Variants in UBTD2 observed in about 807,000 individuals in gnomAD.
UBTD2 encodes ubiquitin domain containing 2.
Under a neutral mutation model 19.8 loss-of-function variants are expected in UBTD2, and 9 were observed. The ratio of observed to expected loss-of-function variants is 0.46; its 90% CI spans 0.27 to 0.79. The LOEUF (loss-of-function observed/expected upper bound fraction) is 0.79. Ranked by LOEUF, UBTD2 falls within the 30% of genes least tolerant of loss-of-function variation. UBTD2 has a pLI of 0.14. For synonymous variants in UBTD2, 98 were observed against 103.9 expected, an observed-to-expected ratio of 0.94 and a Z score of 0.35; for missense variants, 250 against 300.4, an observed-to-expected ratio of 0.83 and a Z score of 1.24.
chr5:172,266,086 A>G (rs1428474638), intron 1 of UBTD2, among the ~76,000 whole-genome samples: 2 of 152,054 alleles, frequency 1.3e-5, no homozygotes, highest in African/African-American at 4.8e-5. Context: ...GGTGTGTGCC[A>G]CCACACCCGG....
intron 1 of UBTD2, among the ~76,000 whole-genome samples, chr5:172,272,541 T>C (rs1755513983): frequency 2.0e-5 from 3 of 152,178 alleles, no homozygotes; most frequent in Admixed American, 1.3e-4. Context: ...GTCCGGTTAA[T>C]TTGATTATGT....
chr5:172,217,270 T>C (rs1771561996), intron 2 of UBTD2, among the ~76,000 whole-genome samples: 1 of 147,604 alleles, frequency 6.8e-6, no homozygotes, highest in African/African-American at 2.5e-5. Context: ...AAAAAAAAAA[T>C]TAGCCAGGCA....
At chr5:172,249,000 C>T (rs1754937188) in intron 1 of UBTD2, among the ~76,000 whole-genome samples, 1 of 151,738 alleles carries the variant, frequency 6.6e-6, no homozygotes, top group Non-Finnish European at 1.5e-5. Flanking sequence ...AGAGATTCAA[C>T]AAAATAGAAA....
At position 172,211,808 on chromosome 5, in the gene UBTD2, G is replaced by C; in HGVS notation, c.*22C>G. On this transcript the variant is annotated 3_prime_UTR_variant, in exon 3 of 3. Transcript: ENST00000393792. ...CATAAAAAGGAGCAGAGGGATGTGG[G>C]AGCTGGCCAACAGGGCTCAGTTCAG... The C allele has an allele frequency of 6.4e-7, 1 of 1,567,096 alleles. No individual in the cohort carries two copies. The highest frequency in any genetic ancestry group is 8.7e-7 in the Non-Finnish European group (1 of 1,154,752).
chr5:172,247,360 A>G lies in UBTD2; in HGVS notation c.71-13002T>C, dbSNP rs556555547. ...ATCAAGCAGAAACTGAGAGAATTAC[A>G]GAAGAAACAGGCCGGGTGCAGTGGC... is the stretch of plus-strand genomic sequence containing the variant. On this transcript the variant is annotated intron_variant, in intron 1 of 2. Transcript: ENST00000393792. Among the ~76,000 whole-genome samples, 30 of 152,178 alleles carry G rather than the reference A, an allele frequency of 2.0e-4. 1 individual carries two copies. The South Asian group carries it at 5.2e-3, about 26-fold the overall frequency.
intron 1 of UBTD2, among the ~76,000 whole-genome samples, chr5:172,272,645 A>G (rs888458910): frequency 6.6e-6 from 1 of 152,220 alleles, no homozygotes; most frequent in Admixed American, 6.5e-5. Flanking sequence ...ATCAATGTAA[A>G]GGCAAAATTT....
At chr5:172,277,450 T>C (rs1445856621) in intron 1 of UBTD2, among the ~76,000 whole-genome samples, 2 of 152,128 alleles carry the variant, frequency 1.3e-5, no homozygotes, top group Non-Finnish European at 2.9e-5. Flanking sequence ...CTCACGTCTG[T>C]AATCCCAGCA....
intron 1 of UBTD2, among the ~76,000 whole-genome samples, chr5:172,234,776 C>T (rs1771973939): frequency 6.6e-6 from 1 of 152,088 alleles, no homozygotes; most frequent in Non-Finnish European, 1.5e-5. Context: ...GGCATGTTGG[C>T]ATGTGCCTGT....
intron 1 of UBTD2, among the ~76,000 whole-genome samples, chr5:172,274,878 T>C (rs1755576214): frequency 6.6e-6 from 1 of 151,962 alleles, no homozygotes; most frequent in Admixed American, 6.6e-5. Flanking sequence ...CTACTAAAAA[T>C]ACAAAAAATT....
intron 1 of UBTD2, among the ~76,000 whole-genome samples, chr5:172,275,736 A>G (rs886634095): frequency 6.6e-6 from 1 of 152,100 alleles, no homozygotes; most frequent in African/African-American, 2.4e-5. Flanking sequence ...CCCTATCTAA[A>G]TTTCCGTACC....
intron 1 of UBTD2, among the ~76,000 whole-genome samples, chr5:172,249,494 CCAA>C (rs1477086188): frequency 6.6e-6 from 1 of 151,270 alleles, no homozygotes; most frequent in Non-Finnish European, 1.5e-5. Flanking sequence ...TTCTATGAGG[CCAA>C]CATTACCCTA....
intron 1 of UBTD2, among the ~76,000 whole-genome samples, chr5:172,234,886 C>T (rs1161898422): frequency 2.8e-5 from 2 of 70,212 alleles, no homozygotes; most frequent in African/African-American, 1.1e-4. Flanking sequence ...TCAGCCTGGG[C>T]GAGAGTGAAA....
At chr5:172,228,256 G>A (rs190142772) in intron 2 of UBTD2, among the ~76,000 whole-genome samples, 56 of 152,268 alleles carry the variant, frequency 3.7e-4, no homozygotes, top group Non-Finnish European at 6.0e-4. Flanking sequence ...GACTTGTCCA[G>A]GGCATTGAGT....
At chr5:172,214,981 C>T (rs769459984) in intron 2 of UBTD2, among the ~76,000 whole-genome samples, 5 of 152,080 alleles carry the variant, frequency 3.3e-5, no homozygotes, top group South Asian at 2.1e-4. Context: ...CCACTGCCCC[C>T]GAAATAGGAG....
chr5:172,240,595 A>G (rs1232511025), intron 1 of UBTD2, among the ~76,000 whole-genome samples: 1 of 152,084 alleles, frequency 6.6e-6, no homozygotes, highest in Non-Finnish European at 1.5e-5. Flanking sequence ...ATTTTGTAAC[A>G]CCTACCGCAA....
intron 2 of UBTD2, among the ~76,000 whole-genome samples, chr5:172,214,488 T>C (rs1012007396): frequency 2.6e-5 from 4 of 152,220 alleles, no homozygotes; most frequent in African/African-American, 9.6e-5. Context: ...TTGTGATCAC[T>C]AGCAGTCCCT....
chr5:172,246,309 C>G (rs532539797), intron 1 of UBTD2, among the ~76,000 whole-genome samples: 13 of 151,614 alleles, frequency 8.6e-5, no homozygotes, highest in African/African-American at 2.9e-4. Flanking sequence ...AGGCAGAAAA[C>G]AGAAAGCAAA....
At chr5:172,255,593 C>T (rs1048843417) in intron 1 of UBTD2, among the ~76,000 whole-genome samples, 1 of 152,058 alleles carries the variant, frequency 6.6e-6, no homozygotes, top group African/African-American at 2.4e-5. Context: ...GGGACAAGGA[C>T]GGGAGCGCAT....
At chr5:172,254,019 C>G (rs1561860937) in intron 1 of UBTD2, among the ~76,000 whole-genome samples, 1 of 152,134 alleles carries the variant, frequency 6.6e-6, no homozygotes, top group Non-Finnish European at 1.5e-5. Context: ...AATATAAGTT[C>G]AGAGATTCAG....
Sources: allele counts gnomAD v4.1 joint callset (sites outside exome capture counted in the v4.1 genomes callset), GRCh38; gene constraint gnomAD v4.1.1; transcripts MANE v1.5; gene names NCBI Gene and HGNC (gene_info 2026-07-23, HGNC 2026-07-21).